Variants in MYO1B observed in about 807,000 individuals in gnomAD.
The protein encoded by MYO1B is unconventional myosin-Ib.
In MYO1B, 72 loss-of-function variants were observed where a neutral mutation model predicts 159.7. The observed-to-expected ratio is 0.45, with a 90% CI of 0.37 to 0.55. The LOEUF (loss-of-function observed/expected upper bound fraction) is 0.55. MYO1B is among the 20% of genes least tolerant of loss of function. MYO1B has a pLI of 0.00. For synonymous variants in MYO1B, 468 were observed against 473.8 expected (o/e 0.99, Z 0.16); for missense variants, 1,062 against 1,364.8 (o/e 0.78, Z 3.50).
At chr2:191,309,085 C>G (rs1689828320) in intron 3 of MYO1B, among the ~76,000 whole-genome samples, 1 of 152,148 alleles carries the variant, frequency 6.6e-6, no homozygotes, top group Non-Finnish European at 1.5e-5. Context: ...AGCTGGATTT[C>G]TCGCCTGACC....
Position 191,424,491 on chromosome 2 carries a change from G to A in MYO1B, c.*531G>A, listed in dbSNP as rs1382576405. On this transcript the variant is annotated 3_prime_UTR_variant, in exon 31 of 31. Transcript: ENST00000392318. Reference sequence around the variant, plus strand: ...AAACAATAACTGTTAATGATGGACAGCATTATTAGGAACCCTGTAGTATGA... The same window carrying A: ...AAACAATAACTGTTAATGATGGACAACATTATTAGGAACCCTGTAGTATGA... The A allele has an allele frequency of 6.6e-6, 1 of 152,494 alleles. No individual in the cohort carries two copies. Among genetic ancestry groups the A allele is most frequent in the Non-Finnish European group, 1.5e-5 (1 of 68,306 alleles). 9.4% of individuals were successfully genotyped at this position (152,494 alleles called of 1,614,324 possible).
At chr2:191,301,449 C>A (rs866157275) in intron 3 of MYO1B, among the ~76,000 whole-genome samples, 87 of 152,094 alleles carry the variant, frequency 5.7e-4, no homozygotes, top group African/African-American at 2.0e-3. Context: ...ACTTTTTGAT[C>A]ACAACATGAC....
intron 1 of MYO1B, among the ~76,000 whole-genome samples, chr2:191,252,135 A>G (rs775305396): frequency 2.5e-4 from 38 of 152,188 alleles, no homozygotes; most frequent in Non-Finnish European, 4.9e-4. Flanking sequence ...GCCTATGCCA[A>G]TTTGCATGGC....
At chr2:191,298,304 A>G (rs1156405067) in intron 3 of MYO1B, among the ~76,000 whole-genome samples, 1 of 152,178 alleles carries the variant, frequency 6.6e-6, no homozygotes. Flanking sequence ...TTCTTGTTTC[A>G]TTTTGCCTTA....
chr2:191,392,997 C>A, intron 19 of MYO1B, 76 bp from the exon 20 acceptor site: 1 of 1,339,690 alleles, frequency 7.5e-7, no homozygotes, highest in Non-Finnish European at 1.0e-6. Context: ...GGCATTTTGT[C>A]TCCTGAAAAT....
chr2:191,291,427 G>A (rs1688678990), intron 2 of MYO1B, among the ~76,000 whole-genome samples: 1 of 151,840 alleles, frequency 6.6e-6, no homozygotes. Flanking sequence ...GGTAGAGCTT[G>A]TTTTCTTCTC....
rs1686895112 is a variant in MYO1B at position 191,262,667 on chromosome 2, C to G, written c.-9-14220C>G. ...TCTAACACCTGTGAGCTCCTTAGGTCTGACTCCTAGTCTAGCCTTGGCTTA... is the reference window on the plus strand; with the variant it reads ...TCTAACACCTGTGAGCTCCTTAGGTGTGACTCCTAGTCTAGCCTTGGCTTA... On this transcript the variant is annotated intron_variant, in intron 1 of 30. Coordinates refer to ENST00000392318, the MANE Select transcript of MYO1B (RefSeq NM_001130158.3). Among the ~76,000 whole-genome samples the G allele has an allele frequency of 1.3e-5, 2 of 151,844 alleles. 1 individual carries two copies. Among genetic ancestry groups the G allele is most frequent in the South Asian group, 4.2e-4 (2 of 4,790 alleles).
intron 15 of MYO1B, among the ~76,000 whole-genome samples, 158 bp downstream of exon 15, chr2:191,383,500 A>ATATATG (rs1559220175): frequency 8.6e-6 from 1 of 116,716 alleles, no homozygotes; most frequent in Non-Finnish European, 1.7e-5. Flanking sequence ...ATGTGTATAT[A>ATATATG]TATATATATA....
chr2:191,333,332 C>T (rs930157164), intron 4 of MYO1B, among the ~76,000 whole-genome samples: 9 of 152,150 alleles, frequency 5.9e-5, no homozygotes, highest in African/African-American at 2.2e-4. Flanking sequence ...TAAGCATGTA[C>T]AAAATGGAAC....
chr2:191,338,328 A>G (rs1691991395), intron 4 of MYO1B, among the ~76,000 whole-genome samples: 1 of 152,224 alleles, frequency 6.6e-6, no homozygotes, highest in South Asian at 2.1e-4. Context: ...CTTGAACTTT[A>G]TTCTCAAACT....
intron 5 of MYO1B, among the ~76,000 whole-genome samples, chr2:191,344,563 G>A (rs929482609): frequency 6.6e-6 from 1 of 152,112 alleles, no homozygotes; most frequent in Non-Finnish European, 1.5e-5. Context: ...GGGCGTGGTG[G>A]CTCACGCCTG....
rs751471666 is a variant in MYO1B at position 191,416,204 on chromosome 2, C to A, written c.3249C>A (p.Ser1083Arg). The A allele has an allele frequency of 1.5e-5, 24 of 1,614,146 alleles. No homozygotes were observed. Among genetic ancestry groups the A allele is most frequent in the Non-Finnish European group, 1.9e-5 (23 of 1,180,026 alleles). Residue 1083 changes from serine to arginine, a missense_variant, in exon 30 of 31, where the codon AGC (serine) becomes AGA (arginine). Coordinates refer to ENST00000392318, the MANE Select transcript of MYO1B (RefSeq NM_001130158.3). ...CCAAGCTCTATCGCACAACTCTCAG[C>A]CAAACCAAACAGAAGCTCAATATTG... is the stretch of plus-strand genomic sequence containing the variant. Reference protein sequence around the residue: ...MATKLYRTTLSQTKQKLNIEI... With the variant: ...MATKLYRTTLRQTKQKLNIEI...
chr2:191,269,141 C>T (rs1280176002), intron 1 of MYO1B, among the ~76,000 whole-genome samples: 3 of 152,146 alleles, frequency 2.0e-5, no homozygotes, highest in South Asian at 2.1e-4. Context: ...AAACTGTAGC[C>T]GTTAAATAGC....
intron 1 of MYO1B, chr2:191,247,904 T>C (rs780886765): frequency 2.0e-6 from 2 of 982,584 alleles, no homozygotes; most frequent in Non-Finnish European, 2.4e-6. Context: ...GGATGAATCA[T>C]CACTTTGTCA....
intron 5 of MYO1B, among the ~76,000 whole-genome samples, chr2:191,345,349 C>T (rs183987268): frequency 9.5e-4 from 145 of 152,304 alleles, no homozygotes; most frequent in Non-Finnish European, 1.8e-3. Flanking sequence ...ACTTATACAA[C>T]TTATGTTTAG....
At position 191,369,646 on chromosome 2, in the gene MYO1B, G is replaced by A. The variant is rs542598528; in HGVS notation, c.1119+18G>A. 6 of 1,574,468 alleles carry A rather than the reference G, an allele frequency of 3.8e-6. No homozygotes were observed. The East Asian group carries it at 6.7e-5, about 18-fold the overall frequency. ...GCATTAAGGTACTGAATTTCTATGA[G>A]CAAAATCAGTTGTAATAAATGGTAT... On this transcript the variant is annotated intron_variant, in intron 12 of 30. Transcript: ENST00000392318.
intron 5 of MYO1B, among the ~76,000 whole-genome samples, chr2:191,341,821 CTTTAAAT>C (rs373983613): frequency 6.6e-6 from 1 of 152,222 alleles, no homozygotes; most frequent in Non-Finnish European, 1.5e-5. Flanking sequence ...TATTTGAATT[CTTTAAAT>C]TTTGATTAAA....
intron 4 of MYO1B, among the ~76,000 whole-genome samples, chr2:191,335,922 A>G (rs531422930): frequency 1.3e-5 from 2 of 152,272 alleles, no homozygotes; most frequent in Admixed American, 1.3e-4. Flanking sequence ...TTGGGGTGCT[A>G]TTTAATTCAT....
intron 3 of MYO1B, among the ~76,000 whole-genome samples, chr2:191,298,115 G>A (rs11692070): frequency 0.9 from 137,345 of 152,268 alleles, 63,603 homozygotes; most frequent in East Asian, 1. Flanking sequence ...CCAGATGCTT[G>A]TTTTAGTTTC....
Sources: allele counts gnomAD v4.1 joint callset (sites outside exome capture counted in the v4.1 genomes callset), GRCh38; gene constraint gnomAD v4.1.1; transcripts MANE v1.5; gene names NCBI Gene and HGNC (gene_info 2026-07-23, HGNC 2026-07-21).